Variants in HDAC1 observed in about 807,000 individuals in gnomAD.
HDAC1 encodes protein deacetylase HDAC1.
HDAC1 carries 18 observed loss-of-function variants against 65.5 expected under a neutral mutation model. The ratio of observed to expected loss-of-function variants is 0.27; its 90% confidence interval spans 0.19 to 0.41. HDAC1 has a LOEUF of 0.41. Among genes scored for constraint, HDAC1 ranks in the 10% least tolerant of loss-of-function variants. The probability of loss-of-function intolerance (pLI) is 1.00; values close to 1 mark genes in which losing one functional copy is unlikely to be tolerated. For missense variants in HDAC1, 373 were observed against 625.2 expected (o/e 0.60, Z 4.30); for synonymous variants, 211 against 227.9 (o/e 0.93, Z 0.67).
At chr1:32,307,765 G>T (rs1236476888) in intron 2 of HDAC1, among the ~76,000 whole-genome samples, 1 of 152,194 alleles carries the variant, frequency 6.6e-6, no homozygotes, top group Non-Finnish European at 1.5e-5. Context: ...GATGAAGATG[G>T]ATTGTTAGAA....
chr1:32,323,013 G>A lies in HDAC1; in HGVS notation c.281-1466G>A, dbSNP rs374612875. ...TATATTTTCACAGGCTTTTAAGACA[G>A]ACAGGCTGGCTGGGCACGGTGGCTT... On this transcript the variant is annotated intron_variant, in intron 3 of 13. Coordinates refer to ENST00000373548, the MANE Select transcript of HDAC1 (RefSeq NM_004964.3). Among the ~76,000 whole-genome samples, 17 of 152,256 alleles carry A rather than the reference G, an allele frequency of 1.1e-4. No homozygotes were observed. In the East Asian group the frequency reaches 2.1e-3, roughly 19 times the overall value.
rs1641297791 is a variant in HDAC1, at chr1:32,331,927, TC to T, written c.1219+123del. On this transcript the variant is annotated intron_variant, in intron 11 of 13. Transcript: ENST00000373548. This position sits in a 1 kb window ranked among gnomAD's most constrained non-coding sequence, Gnocchi z 4.2. ...CCTGTAGAGAAATCTGTTTTCGAGTTCCAGTGCCTGTAGGAACAGGTTAGGG... is the reference window on the plus strand; with the variant it reads ...CCTGTAGAGAAATCTGTTTTCGAGTTCAGTGCCTGTAGGAACAGGTTAGGG... 1 of 1,431,756 alleles carries T rather than the reference TC, an allele frequency of 7.0e-7. No homozygotes were observed. Among genetic ancestry groups the T allele is most frequent in the Admixed American group, 2.4e-5 (1 of 42,132 alleles). The allele number at this position is 1,431,756 out of a possible 1,614,324, so 88.7% of individuals were successfully genotyped here.
intron 2 of HDAC1, among the ~76,000 whole-genome samples, chr1:32,303,791 G>C (rs1640879151): frequency 6.6e-6 from 1 of 151,852 alleles, no homozygotes; most frequent in African/African-American, 2.4e-5. Context: ...GAGCCTGGGA[G>C]GTCAAGGCTG....
intron 6 of HDAC1, among the ~76,000 whole-genome samples, chr1:32,328,107 A>C (rs1000230321): frequency 6.6e-6 from 1 of 152,194 alleles, no homozygotes; most frequent in Non-Finnish European, 1.5e-5. Context: ...GATATAGAAT[A>C]GTTAATAGAC....
intron 1 of HDAC1, among the ~76,000 whole-genome samples, chr1:32,302,161 C>T (rs575812374): frequency 6.6e-6 from 1 of 152,278 alleles, no homozygotes; most frequent in African/African-American, 2.4e-5. Context: ...CCCTGTCCTA[C>T]CCATGTTACT....
At chr1:32,308,062 G>A (rs1479744088) in intron 2 of HDAC1, among the ~76,000 whole-genome samples, 2 of 152,266 alleles carry the variant, frequency 1.3e-5, no homozygotes, top group African/African-American at 2.4e-5. Flanking sequence ...GCTCACGCCT[G>A]TAATCCCAGC....
At chr1:32,316,121 A>G (rs755757222) in intron 2 of HDAC1, among the ~76,000 whole-genome samples, 2 of 151,666 alleles carry the variant, frequency 1.3e-5, no homozygotes, top group Admixed American at 6.6e-5. Flanking sequence ...TCTCTACTAA[A>G]AATACAAAAA....
intron 3 of HDAC1, among the ~76,000 whole-genome samples, chr1:32,318,699 T>C (rs1045743780): frequency 6.6e-6 from 1 of 152,244 alleles, no homozygotes; most frequent in Non-Finnish European, 1.5e-5. Flanking sequence ...TTTGCTATTA[T>C]GACTTACTAT....
intron 2 of HDAC1, among the ~76,000 whole-genome samples, chr1:32,302,942 CA>C (rs1280781844): frequency 6.6e-6 from 1 of 152,010 alleles, no homozygotes; most frequent in Admixed American, 6.6e-5. Flanking sequence ...GAGGTGAAGG[CA>C]AGAGGATCAC....
chr1:32,330,362 G>C lies in HDAC1; in HGVS notation c.730-216G>C, dbSNP rs190424477. Reference sequence around the variant, plus strand: ...CCATTCTAGGTTCAGTGTTACTAGAGTGTTAGAAGGGTCTTAGAGAACTTT... The same window carrying C: ...CCATTCTAGGTTCAGTGTTACTAGACTGTTAGAAGGGTCTTAGAGAACTTT... On this transcript the variant is annotated intron_variant, in intron 7 of 13. Transcript: ENST00000373548. This position sits in a 1 kb window ranked among gnomAD's most constrained non-coding sequence, Gnocchi z 4.2. 112 of 534,730 alleles carry C rather than the reference G, an allele frequency of 2.1e-4. 1 individual carries two copies. The highest frequency in any genetic ancestry group is 1.4e-3 in the Admixed American group (45 of 31,794). 33.1% of individuals were successfully genotyped at this position (534,730 alleles called of 1,614,324 possible). A position where few individuals can be genotyped will look rare whatever the true frequency, so the allele number is the denominator to read the frequency against.
chr1:32,326,557 G>A (rs1641220248), intron 4 of HDAC1, among the ~76,000 whole-genome samples: 3 of 152,024 alleles, frequency 2.0e-5, no homozygotes, highest in Admixed American at 2.0e-4. Context: ...ACATATGCAT[G>A]CATGCACACA....
intron 1 of HDAC1, among the ~76,000 whole-genome samples, chr1:32,294,652 C>G (rs1640742818): frequency 2.0e-5 from 3 of 151,406 alleles, no homozygotes; most frequent in Admixed American, 2.0e-4. Flanking sequence ...GTAGCTGGGA[C>G]TACAGGCGCC....
chr1:32,316,709 C>A lies in HDAC1; in HGVS notation c.207C>A (p.Ser69Arg), dbSNP rs145804489. Residue 69 changes from serine to arginine, a missense_variant, in exon 3 of 14, where the codon AGC becomes AGA. Ser to Arg is a moderately radical substitution (Grantham distance 110, BLOSUM62 -1). This residue lies in a region of HDAC1 where 80 missense variants were observed against 126.3 expected (regional missense o/e 0.63). Coordinates refer to ENST00000373548, the MANE Select transcript of HDAC1 (RefSeq NM_004964.3). ...ANAEEMTKYH[S>R]DDYIKFLRSI... ...CTGAGGAGATGACCAAGTACCACAG[C>A]GATGACTACATTAAATTCTTGCGCT... The A allele has an allele frequency of 3.7e-6, 6 of 1,613,974 alleles. No individual in the cohort carries two copies. Among genetic ancestry groups the A allele is most frequent in the Non-Finnish European group, 3.4e-6 (4 of 1,179,878 alleles).
intron 13 of HDAC1, 65 bp downstream of exon 13, chr1:32,332,814 C>G: frequency 7.1e-7 from 1 of 1,416,568 alleles, no homozygotes; most frequent in Non-Finnish European, 9.8e-7. Flanking sequence ...TGTCCCACCA[C>G]TCTGAGGAAA....
intron 1 of HDAC1, among the ~76,000 whole-genome samples, chr1:32,298,147 G>A (rs913432653): frequency 2.1e-5 from 3 of 145,808 alleles, no homozygotes; most frequent in Admixed American, 1.4e-4. Context: ...GAGCGCAGTG[G>A]CGCAATCTCA....
chr1:32,314,992 T>C (rs895802613), intron 2 of HDAC1, among the ~76,000 whole-genome samples: 6 of 152,234 alleles, frequency 3.9e-5, no homozygotes, highest in Non-Finnish European at 8.8e-5. Flanking sequence ...TTGGTTTCTT[T>C]ATACATTGTT....
chr1:32,310,874 C>A (rs1177388583), intron 2 of HDAC1, among the ~76,000 whole-genome samples: 4 of 134,580 alleles, frequency 3.0e-5, no homozygotes, highest in South Asian at 2.4e-4. Flanking sequence ...AATAGAGAGA[C>A]AGAAAGAAAC....
At chr1:32,306,196 T>C (rs1640908915) in intron 2 of HDAC1, among the ~76,000 whole-genome samples, 2 of 151,188 alleles carry the variant, frequency 1.3e-5, no homozygotes, top group African/African-American at 4.8e-5. Context: ...CTTTTTCTTT[T>C]TTTTTTTTTT....
chr1:32,294,765 C>T (rs1467263949), intron 1 of HDAC1, among the ~76,000 whole-genome samples: 8 of 151,648 alleles, frequency 5.3e-5, no homozygotes, highest in South Asian at 2.1e-4. Context: ...CCGCCCGCCT[C>T]GGCCTCCCAA....
Sources: allele counts gnomAD v4.1 joint callset (sites outside exome capture counted in the v4.1 genomes callset), GRCh38; gene constraint gnomAD v4.1.1; regional missense constraint gnomAD v4.1.1; non-coding constraint Gnocchi (gnomAD v3.1); transcripts MANE v1.5; gene names NCBI Gene and HGNC (gene_info 2026-07-23, HGNC 2026-07-21).